Variants in EIF4A2 observed in about 807,000 individuals in gnomAD.
EIF4A2 encodes the protein eukaryotic initiation factor 4A-II.
In EIF4A2, 9 loss-of-function variants were observed where a neutral mutation model predicts 50.6. The observed-to-expected ratio is 0.18, with a 90% CI of 0.11 to 0.31. EIF4A2 has a LOEUF of 0.31. Among genes scored for constraint, EIF4A2 ranks in the 10% least tolerant of loss-of-function variants. The pLI is 1.00. For missense variants in EIF4A2, 182 were observed against 501.8 expected (o/e 0.36, Z 6.09); for synonymous variants, 215 against 164.4 (o/e 1.31, Z -2.35).
chr3:186,788,956 A>G (rs1468301185), intron 10 of EIF4A2, 169 bp from the exon 11 acceptor site: 5 of 950,572 alleles, frequency 5.3e-6, no homozygotes, highest in Non-Finnish European at 7.4e-6. Context: ...ACTAACTGCA[A>G]AGGAAGATTT....
chr3:186,787,829 G>A lies in EIF4A2; in HGVS notation c.1026G>A (p.Val342=). Residue 342 remains valine (V), a synonymous_variant, in exon 10 of 11, where the codon GTG becomes GTA. Coordinates refer to ENST00000323963, the MANE Select transcript of EIF4A2 (RefSeq NM_001967.4). Reference sequence around the variant, plus strand: ...CTCGCGGGATTGATGTGCAACAAGTGTCTTTGGTTATAAATTATGATCTAC... The same window carrying A: ...CTCGCGGGATTGATGTGCAACAAGTATCTTTGGTTATAAATTATGATCTAC... ...LLARGIDVQQ[V]SLVINYDLPT... The A allele has an allele frequency of 1.2e-6, 2 of 1,613,896 alleles. No homozygotes were observed. The highest frequency in any genetic ancestry group is 1.7e-6 in the Non-Finnish European group (2 of 1,179,940).
At chr3:186,788,503 C>T (rs1284609658) in intron 10 of EIF4A2, 10 of 1,097,488 alleles carry the variant, frequency 9.1e-6, no homozygotes, top group Non-Finnish European at 1.2e-5. Flanking sequence ...ATTAGTATTT[C>T]TATTAGGGAA....
rs972376732 is a variant in EIF4A2 at position 186,784,630 on chromosome 3, A to G, written c.142A>G (p.Ile48Val). The G allele has an allele frequency of 1.9e-6, 3 of 1,614,250 alleles. No homozygotes were observed. Among genetic ancestry groups the G allele is most frequent in the Non-Finnish European group, 2.5e-6 (3 of 1,180,038 alleles). ...MNLKESLLRG[I>V]YAYGFEKPSA... is the part of the protein sequence containing the mutation. The stretch of plus-strand genomic sequence containing the variant: ...TTTAAAGGAGTCTCTCCTTCGTGGC[A>G]TCTATGCTTACGGTTTTGAGAAGCC... Residue 48 changes from isoleucine (I) to valine (V), a missense_variant, in exon 3 of 11, where the codon ATC becomes GTC. This residue lies in a region of EIF4A2 where 113 missense variants were observed against 357.3 expected (regional missense o/e 0.32). Coordinates refer to ENST00000323963, the MANE Select transcript of EIF4A2 (RefSeq NM_001967.4).
In EIF4A2 at chr3:186,784,553, C is replaced by G; in HGVS notation, c.76-11C>G. ...CTCATTTATGCGTGCATTATTTTTT[C>G]TAACTTACAGAGCAACTGGAATGAG... On this transcript the variant is annotated splice_polypyrimidine_tract_variant and intron_variant, in intron 2 of 10. Transcript: ENST00000323963. 6.2e-7 allele frequency: 1 copy of G among 1,614,132 alleles called. No homozygotes were observed. The highest frequency in any genetic ancestry group is 1.3e-5 in the African/African-American group (1 of 75,034).
chr3:186,786,350 T>G, intron 6 of EIF4A2, 77 bp downstream of exon 6: 1 of 1,509,560 alleles, frequency 6.6e-7, no homozygotes, highest in East Asian at 2.3e-5. Flanking sequence ...ATACAACTGA[T>G]GTGTTTTGTT....
intron 9 of EIF4A2, 83 bp from the exon 10 acceptor site, chr3:186,787,715 TTAGTA>T: frequency 6.4e-7 from 1 of 1,573,818 alleles, no homozygotes; most frequent in Non-Finnish European, 8.7e-7. Flanking sequence ...GCTATACCAC[TTAGTA>T]TAGTTCGCTA....
chr3:186,787,347 T>C (rs1721791374), intron 8 of EIF4A2, 83 bp downstream of exon 8: 4 of 1,611,458 alleles, frequency 2.5e-6, no homozygotes, highest in Non-Finnish European at 3.4e-6. Flanking sequence ...GTGTTGTCGT[T>C]CCCCCTGCTT....
Position 186,785,320 on chromosome 3 carries a change from T to G in EIF4A2, c.348+219T>G, listed in dbSNP as rs190549889. ...CTAATAGATTGAGAATCCGAAGCGC[T>G]CTCTTGGATGTACTAGATCTGTCCC... On this transcript the variant is annotated intron_variant, in intron 4 of 10. Coordinates refer to ENST00000323963, the MANE Select transcript of EIF4A2 (RefSeq NM_001967.4). 3.0e-5 allele frequency: 19 copies of G among 623,766 alleles called. No homozygotes were observed. In the Admixed American group the frequency reaches 3.7e-4, roughly 12 times the overall value. 38.6% of individuals were successfully genotyped at this position (623,766 alleles called of 1,614,324 possible). A position where few individuals can be genotyped will look rare whatever the true frequency, so the allele number is the denominator to read the frequency against.
At position 186,789,729 on chromosome 3, in the gene EIF4A2, G is replaced by A. The variant is rs1403281109; in HGVS notation, c.*460G>A. ...AAAGCATTTGAATGCATTTTGTTTGGTATTGTATTTATTCAATAAAGTATT... is the reference window on the plus strand; with the variant it reads ...AAAGCATTTGAATGCATTTTGTTTGATATTGTATTTATTCAATAAAGTATT... On this transcript the variant is annotated 3_prime_UTR_variant, in exon 11 of 11. Transcript: ENST00000323963. The A allele has an allele frequency of 2.3e-6, 1 of 435,040 alleles. No homozygotes were observed. The highest frequency in any genetic ancestry group is 4.1e-6 in the Non-Finnish European group (1 of 244,392). 26.9% of individuals were successfully genotyped at this position (435,040 alleles called of 1,614,324 possible). A position where few individuals can be genotyped will look rare whatever the true frequency, so the allele number is the denominator to read the frequency against.
chr3:186,784,235 G>C (rs566205913), intron 1 of EIF4A2, 197 bp from the exon 2 acceptor site: 14 of 738,624 alleles, frequency 1.9e-5, no homozygotes, highest in Non-Finnish European at 3.0e-5. Context: ...GCTCGGGCCT[G>C]GGGGGCTGCC....
At chr3:186,787,774 A>G in intron 9 of EIF4A2, 29 bp from the exon 10 acceptor site, 1 of 1,613,948 alleles carries the variant, frequency 6.2e-7, no homozygotes, top group Non-Finnish European at 8.5e-7. Context: ...TTTTTGAATC[A>G]ATTTTTAAAA....
At chr3:186,784,249 C>G (rs1025472392) in intron 1 of EIF4A2, 183 bp from the exon 2 acceptor site, 2 of 837,592 alleles carry the variant, frequency 2.4e-6, no homozygotes, top group Non-Finnish European at 3.7e-6. Context: ...GGCTGCCTTT[C>G]CGGGCATCCG....
In EIF4A2 at chr3:186,789,322, C is replaced by A; in HGVS notation, c.*53C>A. ...TGCTCGCTGTTGCTGAATAGGCGAT[C>A]ACAACGTGCATTGTGCTTCTTTCTT... On this transcript the variant is annotated 3_prime_UTR_variant, in exon 11 of 11. Coordinates refer to ENST00000323963, the MANE Select transcript of EIF4A2 (RefSeq NM_001967.4). 2 of 1,563,760 alleles carry A rather than the reference C, an allele frequency of 1.3e-6. No homozygotes were observed. Among genetic ancestry groups the A allele is most frequent in the South Asian group, 1.2e-5 (1 of 84,010 alleles).
At chr3:186,784,134 G>C in intron 1 of EIF4A2, 1 of 516,438 alleles carries the variant, frequency 1.9e-6, no homozygotes, top group Admixed American at 3.5e-5. Context: ...CTCCGCCCGC[G>C]TCAATCACCC....
Position 186,787,205 on chromosome 3 carries a change from C to T in EIF4A2, c.850C>T (p.Arg284Cys), listed in dbSNP as rs1721782053. Residue 284 changes from arginine to cysteine, a missense_variant, in exon 8 of 11, where the codon CGC becomes TGC. Physicochemically the swap from Arg to Cys is radical, Grantham distance 180. This residue lies in a region of EIF4A2 where 113 missense variants were observed against 357.3 expected (regional missense o/e 0.32). Transcript: ENST00000323963. ...GGCTGTTATTTTTCTCAATACGAGG[C>T]GCAAGGTGGACTGGCTGACTGAGAA... ...TQAVIFLNTR[R>C]KVDWLTEKMH... 1 of 1,613,994 alleles carries T rather than the reference C, an allele frequency of 6.2e-7. No homozygotes were observed. The highest frequency in any genetic ancestry group is 8.5e-7 in the Non-Finnish European group (1 of 1,180,002).
chr3:186,787,106 T>A (rs186916940), intron 7 of EIF4A2, 21 bp from the exon 8 acceptor site: 1 of 1,612,310 alleles, frequency 6.2e-7, no homozygotes, highest in Non-Finnish European at 8.5e-7. Flanking sequence ...GACTGTTAAC[T>A]TTAACTTCTA....
At chr3:186,785,804 T>G in intron 4 of EIF4A2, 79 bp from the exon 5 acceptor site, 2 of 1,517,158 alleles carry the variant, frequency 1.3e-6, no homozygotes, top group East Asian at 2.3e-5. Flanking sequence ...GCAGACCAGA[T>G]TATATTTGCC....
chr3:186,784,876 C>T (rs3816112), intron 3 of EIF4A2, 86 bp from the exon 4 acceptor site: 125,586 of 1,605,268 alleles, frequency 0.078, 6,424 homozygotes, highest in East Asian at 0.19. Context: ...ATTATTTGGG[C>T]ATAATGTTCC....
chr3:186,785,515 G>T, intron 4 of EIF4A2: 1 of 298,064 alleles, frequency 3.4e-6, no homozygotes. Flanking sequence ...CTTTATTGAG[G>T]TCAGGATTAT....
Sources: gnomAD v4.1 joint callset for allele counts on GRCh38, gnomAD v4.1.1 for gene constraint, gnomAD v4.1.1 regional missense constraint, MANE v1.5 for transcripts, NCBI Gene and HGNC (gene_info 2026-07-23, HGNC 2026-07-21) for gene names.